The following LRP1B variants were observed in gnomAD, a reference collection of about 807,000 sequenced individuals.
LRP1B encodes LDL receptor related protein 1B.
A neutral mutation model predicts 556.6 loss-of-function variants in LRP1B; 217 were observed. The observed-to-expected ratio is 0.39, with a 90% CI of 0.35 to 0.44. LRP1B has a LOEUF of 0.44. Ranked by LOEUF, LRP1B falls within the 20% of genes least tolerant of loss-of-function variation. The pLI is 1.00. For synonymous variants in LRP1B, 2,047 were observed against 1,865.8 expected, an observed-to-expected ratio of 1.10 and a Z score of -2.50; for missense variants, 5,053 against 5,620.8, an observed-to-expected ratio of 0.90 and a Z score of 3.23.
intron 7 of LRP1B, among the ~76,000 whole-genome samples, chr2:141,112,613 C>T (rs1574084962): frequency 6.6e-6 from 1 of 152,148 alleles, no homozygotes; most frequent in African/African-American, 2.4e-5. Flanking sequence ...ATAATAAATA[C>T]AATGTCCTTC....
intron 1 of LRP1B, among the ~76,000 whole-genome samples, chr2:142,024,919 A>G (rs1703456498): frequency 6.6e-6 from 1 of 152,116 alleles, no homozygotes. Flanking sequence ...AGATAAAGAG[A>G]ATACAAATAA....
At chr2:142,069,712 C>A (rs1360996724) in intron 1 of LRP1B, among the ~76,000 whole-genome samples, 1 of 151,700 alleles carries the variant, frequency 6.6e-6, no homozygotes, top group Admixed American at 6.6e-5. Context: ...TGCATGCGAA[C>A]TTTTTTCTTT....
At chr2:140,637,638 G>A (rs1465024163) in intron 41 of LRP1B, among the ~76,000 whole-genome samples, 1 of 151,996 alleles carries the variant, frequency 6.6e-6, no homozygotes, top group Non-Finnish European at 1.5e-5. Flanking sequence ...AGTTTAGTGT[G>A]GAATCCGTGC....
In LRP1B at chr2:141,538,638, CTT is replaced by C. The variant is rs35243335; in HGVS notation, c.206-58107_206-58106del. ...GAAAAAGACACCCTGAAAAAAACTT[CTT>C]TTTTTTTTTTTTTTGAGACACAGTC... On this transcript the variant is annotated intron_variant, in intron 2 of 90. Transcript: ENST00000389484. Among the ~76,000 whole-genome samples the C allele has an allele frequency of 5.5e-3, 557 of 102,150 alleles. 2 individuals carry two copies. The highest frequency in any genetic ancestry group is 0.014 in the African/African-American group (451 of 31,302). 67.0% of individuals were successfully genotyped at this position (102,150 alleles called of 152,430 possible). A position where few individuals can be genotyped will look rare whatever the true frequency, so the allele number is the denominator to read the frequency against.
chr2:140,868,846 A>C (rs1225110075), intron 25 of LRP1B, among the ~76,000 whole-genome samples: 2 of 152,088 alleles, frequency 1.3e-5, no homozygotes, highest in African/African-American at 4.8e-5. Context: ...GAGAAATGTT[A>C]TTCTCTATGT....
At chr2:141,958,285 G>T (rs1484889978) in intron 1 of LRP1B, among the ~76,000 whole-genome samples, 1 of 152,018 alleles carries the variant, frequency 6.6e-6, no homozygotes, top group African/African-American at 2.4e-5. Context: ...CAGTAAATGT[G>T]TCATTTGCTA....
chr2:140,701,789 A>G lies in LRP1B; in HGVS notation c.6359T>C (p.Ile2120Thr). 6.2e-7 allele frequency: 1 copy of G among 1,613,200 alleles called. No individual in the cohort carries two copies. The highest frequency in any genetic ancestry group is 8.5e-7 in the Non-Finnish European group (1 of 1,179,422). The change falls in exon 40 of 91, where the codon ATA (isoleucine) becomes ACA (threonine). Residue 2120 changes from isoleucine (I) to threonine (T), a missense_variant. Around this residue, in one of 5 missense-constraint regions of LRP1B, gnomAD observed 3,619 missense variants for 3,931.9 expected, o/e 0.92. Transcript: ENST00000389484. Reference protein sequence around the residue: ...RGHKNDATETITMRTGLGVNL... With the variant: ...RGHKNDATETTTMRTGLGVNL... The stretch of plus-strand genomic sequence containing the variant: ...GACTCCAAGGCCGGTTCTCATGGTT[A>G]TCGTTTCTGTGGCATCATTCTTGTG...
At chr2:140,695,535 T>G (rs1686400511) in intron 41 of LRP1B, among the ~76,000 whole-genome samples, 1 of 152,206 alleles carries the variant, frequency 6.6e-6, no homozygotes, top group African/African-American at 2.4e-5. Context: ...AGAATTCTGT[T>G]TCAGTCATTT....
At chr2:140,847,892 G>A (rs1467979735) in intron 29 of LRP1B, among the ~76,000 whole-genome samples, 1 of 151,982 alleles carries the variant, frequency 6.6e-6, no homozygotes, top group Non-Finnish European at 1.5e-5. Context: ...TCAAATTTTG[G>A]TTGATAATTG....
At chr2:141,656,395 A>G (rs1468714986) in intron 2 of LRP1B, among the ~76,000 whole-genome samples, 1 of 152,154 alleles carries the variant, frequency 6.6e-6, no homozygotes, top group African/African-American at 2.4e-5. Flanking sequence ...TCTACTTTCT[A>G]AAAGTATTGT....
intron 72 of LRP1B, 122 bp from the exon 73 acceptor site, chr2:140,359,068 G>T: frequency 1.0e-6 from 1 of 998,476 alleles, no homozygotes; most frequent in Non-Finnish European, 1.4e-6. Context: ...TATCTTTTTT[G>T]TTGTGACAAT....
At chr2:141,514,458 G>C (rs1413505851) in intron 2 of LRP1B, among the ~76,000 whole-genome samples, 1 of 152,032 alleles carries the variant, frequency 6.6e-6, no homozygotes, top group African/African-American at 2.4e-5. Flanking sequence ...CATGTGTTTT[G>C]TTGTGTTGTC....
At chr2:140,718,387 T>C (rs1267932134) in intron 35 of LRP1B, among the ~76,000 whole-genome samples, 1 of 151,998 alleles carries the variant, frequency 6.6e-6, no homozygotes, top group Non-Finnish European at 1.5e-5. Flanking sequence ...TTTTGTTCAC[T>C]TTTTTCTTCT....
chr2:140,903,018 T>G lies in LRP1B; in HGVS notation c.3668A>C (p.Lys1223Thr). The change falls in exon 23 of 91, where the codon AAG becomes ACG. Residue 1223 changes from lysine to threonine, a missense_variant. Coordinates refer to ENST00000389484, the MANE Select transcript of LRP1B (RefSeq NM_018557.3). ...EIVDYCSNHLKCSQVCEQHKH... is the reference protein window; with the variant it reads ...EIVDYCSNHLTCSQVCEQHKH... ...GTGCTGCTCACATACTTGGCTGCAC[T>G]TTAGATGATTGCTACAATAATCCAC... The G allele has an allele frequency of 6.2e-7, 1 of 1,613,822 alleles. No individual in the cohort carries two copies. Among genetic ancestry groups the G allele is most frequent in the Non-Finnish European group, 8.5e-7 (1 of 1,179,796 alleles).
At chr2:141,805,594 C>A (rs1307434123) in intron 2 of LRP1B, 1 of 152,066 alleles carries the variant, frequency 6.6e-6, no homozygotes, top group African/African-American at 2.4e-5. Context: ...CACAGACCTG[C>A]CTCAACTGTA....
At chr2:141,215,885 A>G (rs755837407) in intron 6 of LRP1B, among the ~76,000 whole-genome samples, 2 of 152,196 alleles carry the variant, frequency 1.3e-5, no homozygotes, top group South Asian at 2.1e-4. Flanking sequence ...AAAAGTTTGG[A>G]AAGTTTGCAG....
chr2:141,957,466 A>T (rs1701287746), intron 1 of LRP1B, among the ~76,000 whole-genome samples: 2 of 151,842 alleles, frequency 1.3e-5, no homozygotes, highest in Admixed American at 1.3e-4. Context: ...CTAGGATTCA[A>T]ATACTTGTCT....
At chr2:140,726,137 T>C (rs1687585371) in intron 35 of LRP1B, among the ~76,000 whole-genome samples, 1 of 152,088 alleles carries the variant, frequency 6.6e-6, no homozygotes, top group Non-Finnish European at 1.5e-5. Context: ...TGAAGGAGAT[T>C]CCAATTATGA....
chr2:141,367,499 T>A (rs865795439), intron 3 of LRP1B, among the ~76,000 whole-genome samples: 2,424 of 112,288 alleles, frequency 0.022, 64 homozygotes, highest in African/African-American at 0.085. Flanking sequence ...TTTTTTTTTT[T>A]TGAGATGAAG....
Sources: gnomAD v4.1 joint callset for allele counts (sites outside exome capture counted in the v4.1 genomes callset) on GRCh38, gnomAD v4.1.1 for gene constraint, gnomAD v4.1.1 regional missense constraint, MANE v1.5 for transcripts, NCBI Gene and HGNC (gene_info 2026-07-23, HGNC 2026-07-21) for gene names.